Variants in RUFY3 observed in about 807,000 individuals in gnomAD.
RUFY3 encodes protein RUFY3.
In RUFY3, 34 loss-of-function variants were observed where a neutral mutation model predicts 84.0. The ratio of observed to expected loss-of-function variants is 0.40; its 90% CI spans 0.31 to 0.54. The LOEUF (loss-of-function observed/expected upper bound fraction) is 0.54, where lower values mean the gene tolerates loss of function less well. Among genes scored for constraint, RUFY3 ranks in the 20% least tolerant of loss-of-function variants. The probability of loss-of-function intolerance (pLI) is 0.39; values close to 1 mark genes in which losing one functional copy is unlikely to be tolerated. For synonymous variants in RUFY3, 242 were observed against 252.9 expected, an observed-to-expected ratio of 0.96 and a Z score of 0.41; for missense variants, 507 against 736.8, an observed-to-expected ratio of 0.69 and a Z score of 3.61.
intron 15 of RUFY3, among the ~76,000 whole-genome samples, chr4:70,800,991 A>G (rs1732154828): frequency 6.6e-6 from 1 of 151,982 alleles, no homozygotes; most frequent in Non-Finnish European, 1.5e-5. Flanking sequence ...CTTTATCCTA[A>G]CTCTGTCTGA....
chr4:70,776,906 T>G (rs912616263), intron 7 of RUFY3, among the ~76,000 whole-genome samples: 1 of 152,358 alleles, frequency 6.6e-6, no homozygotes, highest in Non-Finnish European at 1.5e-5. Context: ...GACAATTCAG[T>G]GTTGTATATA....
chr4:70,784,891 T>C lies in RUFY3; in HGVS notation c.1071+12T>C, dbSNP rs757285472. On this transcript the variant is annotated intron_variant, in intron 10 of 17. Transcript: ENST00000381006. ...CACAATTACGATTGGTAAACTATGC[T>C]TAATTTCTAATAGTTCAGGAATATA... 3.2e-6 allele frequency: 5 copies of C among 1,565,060 alleles called. No homozygotes were observed. The highest frequency in any genetic ancestry group is 3.5e-6 in the Non-Finnish European group (4 of 1,148,886).
chr4:70,712,139 G>T (rs1313768571), intron 1 of RUFY3, among the ~76,000 whole-genome samples: 1 of 151,912 alleles, frequency 6.6e-6, no homozygotes, highest in Non-Finnish European at 1.5e-5. Context: ...GTCCTAAAAG[G>T]CTCTTCATTA....
intron 10 of RUFY3, among the ~76,000 whole-genome samples, chr4:70,787,187 A>AATATAT (rs1202870337): frequency 5.8e-4 from 47 of 81,468 alleles, no homozygotes; most frequent in African/African-American, 1.4e-3. Flanking sequence ...AAAAAAAAAA[A>AATATAT]ATATATATAT....
At chr4:70,777,985 A>G (rs1728244953) in intron 7 of RUFY3, among the ~76,000 whole-genome samples, 2 of 152,146 alleles carry the variant, frequency 1.3e-5, no homozygotes, top group African/African-American at 4.8e-5. Flanking sequence ...TAATCCCAGC[A>G]CTCTGGGAGG....
chr4:70,804,008 T>G (rs1000666960), intron 16 of RUFY3, among the ~76,000 whole-genome samples: 2 of 152,166 alleles, frequency 1.3e-5, no homozygotes, highest in African/African-American at 4.8e-5. Flanking sequence ...GTGCTGGCAT[T>G]ACAGGCGTGA....
intron 1 of RUFY3, among the ~76,000 whole-genome samples, chr4:70,711,688 A>G (rs1188137286): frequency 2.0e-5 from 3 of 152,220 alleles, no homozygotes; most frequent in Non-Finnish European, 4.4e-5. Context: ...TGTAACTGCC[A>G]GAGATCTGGA....
chr4:70,784,934 A>C, intron 10 of RUFY3, 55 bp downstream of exon 10: 1 of 1,259,212 alleles, frequency 7.9e-7, no homozygotes, highest in Non-Finnish European at 1.1e-6. Context: ...GTAACTGCCC[A>C]CTTAGAGGTT....
Position 70,793,795 on chromosome 4 carries a change from G to A in RUFY3, c.1348G>A (p.Ala450Thr). 6.2e-7 allele frequency: 1 copy of A among 1,614,006 alleles called. No individual in the cohort carries two copies. The highest frequency in any genetic ancestry group is 8.5e-7 in the Non-Finnish European group (1 of 1,179,986). Residue 450 changes from alanine (A) to threonine (T), a missense_variant, in exon 13 of 18, where the codon GCT becomes ACT. By Grantham distance (58) the Ala-to-Thr change is moderately conservative. Coordinates refer to ENST00000381006, the MANE Select transcript of RUFY3 (RefSeq NM_001037442.4). ...GTGGCTCACATCCAGATTGCGCCAG[G>A]CTGAGCGAAGCCGCCAATCTGCTGA... ...IKQLEQRLRQ[A>T]ERSRQSAELD...
chr4:70,719,007 G>T (rs1741967551), upstream of RUFY3, among the ~76,000 whole-genome samples: 1 of 152,218 alleles, frequency 6.6e-6, no homozygotes, highest in Non-Finnish European at 1.5e-5. Context: ...GAGCCACCGT[G>T]CCCGGCCGTA....
chr4:70,728,833 C>CT (rs1359079460), intron 1 of RUFY3, among the ~76,000 whole-genome samples: 9 of 150,046 alleles, frequency 6.0e-5, no homozygotes, highest in Non-Finnish European at 1.0e-4. Flanking sequence ...TTAAATAAGA[C>CT]TTTTTTCCGA....
Position 70,727,354 on chromosome 4 carries a change from C to CTTTTTTT in RUFY3, c.178+4616_178+4622dup, listed in dbSNP as rs762253929. Among the ~76,000 whole-genome samples the CTTTTTTT allele has an allele frequency of 1.9e-4, 22 of 118,230 alleles. 1 individual carries two copies. Among genetic ancestry groups the CTTTTTTT allele is most frequent in the Non-Finnish European group, 2.2e-4 (13 of 58,356 alleles). 77.6% of individuals were successfully genotyped at this position (118,230 alleles called of 152,430 possible). ...AATTCTAGGATCAGGAAAGTAATAACTTTTTTTTTTTTTTTTTTTGAGACA... is the reference window on the plus strand; with the variant it reads ...AATTCTAGGATCAGGAAAGTAATAACTTTTTTTTTTTTTTTTTTTTTTTTTTGAGACA... On this transcript the variant is annotated intron_variant, in intron 1 of 17. Coordinates refer to ENST00000381006, the MANE Select transcript of RUFY3 (RefSeq NM_001037442.4).
upstream of RUFY3, among the ~76,000 whole-genome samples, chr4:70,718,750 C>T (rs554449545): frequency 6.0e-5 from 9 of 151,086 alleles, no homozygotes; most frequent in East Asian, 1.5e-3. Context: ...TTCTTTGAGA[C>T]GGAGTTTCAC....
chr4:70,741,603 C>T, intron 1 of RUFY3: 2 of 1,513,528 alleles, frequency 1.3e-6, no homozygotes, highest in Non-Finnish European at 1.8e-6. Context: ...TCTTTCTTTT[C>T]CTTTCTTTTT....
At chr4:70,711,211 G>A (rs538654240) in intron 1 of RUFY3, among the ~76,000 whole-genome samples, 3 of 151,676 alleles carry the variant, frequency 2.0e-5, no homozygotes, top group South Asian at 4.2e-4. Context: ...CTCCTGCCTC[G>A]GCCTTCCAAA....
chr4:70,804,761 CAAAAAAAAAAAA>C (rs1186156048), intron 17 of RUFY3, among the ~76,000 whole-genome samples: 1 of 76,848 alleles, frequency 1.3e-5, no homozygotes, highest in Non-Finnish European at 2.8e-5. Flanking sequence ...ACTAAAAATA[CAAAAAAAAAAAA>C]AAAAAAAAAT....
intron 1 of RUFY3, among the ~76,000 whole-genome samples, chr4:70,747,558 C>T (rs4235088): frequency 1 from 151,725 of 152,198 alleles, 75,628 homozygotes; most frequent in Middle Eastern, 1. Flanking sequence ...AGCCTGTAAT[C>T]GTGGGCATAC....
At chr4:70,711,064 G>GAAAAAAAAAAA (rs950005722) in intron 1 of RUFY3, among the ~76,000 whole-genome samples, 1 of 54,092 alleles carries the variant, frequency 1.8e-5, no homozygotes, top group Admixed American at 2.6e-4. Flanking sequence ...ACTCCGTCTG[G>GAAAAAAAAAAA]AAAAAAAAAA....
At chr4:70,707,036 A>G (rs1449654324) in intron 1 of RUFY3, among the ~76,000 whole-genome samples, 1 of 152,232 alleles carries the variant, frequency 6.6e-6, no homozygotes, top group Non-Finnish European at 1.5e-5. Flanking sequence ...TCAACTATTG[A>G]ACAGTATCAA....
Sources: allele counts gnomAD v4.1 joint callset (sites outside exome capture counted in the v4.1 genomes callset), GRCh38; gene constraint gnomAD v4.1.1; transcripts MANE v1.5; gene names NCBI Gene and HGNC (gene_info 2026-07-23, HGNC 2026-07-21).